The following SPECC1L variants were observed in gnomAD, a reference collection of about 807,000 sequenced individuals.
SPECC1L encodes the protein sperm antigen with calponin homology and coiled-coil domains 1 like.
In SPECC1L, 40 loss-of-function variants were observed where a neutral mutation model predicts 116.8. The observed-to-expected ratio is 0.34, with a 90% CI of 0.27 to 0.45. The LOEUF (loss-of-function observed/expected upper bound fraction) is 0.45. SPECC1L is among the 20% of genes least tolerant of loss of function. SPECC1L has a pLI of 1.00. For synonymous variants in SPECC1L, 504 were observed against 500.6 expected (o/e 1.01, Z -0.09); for missense variants, 1,110 against 1,373.6 (o/e 0.81, Z 3.03).
intron 14 of SPECC1L, among the ~76,000 whole-genome samples, chr22:24,385,057 C>T (rs373105526): frequency 1.1e-4 from 16 of 142,754 alleles, no homozygotes; most frequent in African/African-American, 2.6e-4. Context: ...AGCGAAACTC[C>T]GTCTCAAAAA....
At chr22:24,313,262 T>C (rs1469511402) in intron 3 of SPECC1L, 51 bp from the exon 4 acceptor site, 11 of 1,598,648 alleles carry the variant, frequency 6.9e-6, no homozygotes, top group Admixed American at 3.3e-5. Context: ...TCTCAAAATA[T>C]CTAATCTTGC....
chr22:24,288,539 G>A (rs966007646), intron 2 of SPECC1L, among the ~76,000 whole-genome samples: 1 of 133,244 alleles, frequency 7.5e-6, no homozygotes, highest in Non-Finnish European at 1.6e-5. Flanking sequence ...AAAAGACTTA[G>A]TTTTTACTAC....
At chr22:24,373,864 G>T (rs1053577300) in intron 14 of SPECC1L, among the ~76,000 whole-genome samples, 1 of 151,912 alleles carries the variant, frequency 6.6e-6, no homozygotes, top group Non-Finnish European at 1.5e-5. Flanking sequence ...GAAAATTTTC[G>T]CAATCTACTC....
intron 4 of SPECC1L, 57 bp from the exon 5 acceptor site, chr22:24,321,231 T>C: frequency 6.3e-7 from 1 of 1,595,828 alleles, no homozygotes; most frequent in Non-Finnish European, 8.5e-7. Flanking sequence ...CTGTGTATTC[T>C]ATGTAGCCTT....
chr22:24,362,337 G>A (rs1384547681), intron 11 of SPECC1L, among the ~76,000 whole-genome samples: 1 of 152,186 alleles, frequency 6.6e-6, no homozygotes, highest in South Asian at 2.1e-4. Flanking sequence ...GGGAATAGAG[G>A]AGGAGGTGAG....
intron 11 of SPECC1L, among the ~76,000 whole-genome samples, chr22:24,360,098 C>T (rs1292009005): frequency 6.6e-6 from 1 of 152,170 alleles, no homozygotes; most frequent in Non-Finnish European, 1.5e-5. Flanking sequence ...TGGATTAAGA[C>T]AAGAATAGCT....
At chr22:24,412,768 T>C in intron 16 of SPECC1L, 61 bp downstream of exon 16, 1 of 1,576,978 alleles carries the variant, frequency 6.3e-7, no homozygotes, top group East Asian at 2.2e-5. Flanking sequence ...AAGAGTTCAG[T>C]CCTGTTTAAG....
chr22:24,337,791 A>G (rs572151796), intron 9 of SPECC1L, among the ~76,000 whole-genome samples: 2 of 152,314 alleles, frequency 1.3e-5, no homozygotes, highest in Non-Finnish European at 2.9e-5. Context: ...GCTATGCTCA[A>G]CTGTTTAGAT....
intron 3 of SPECC1L, among the ~76,000 whole-genome samples, chr22:24,311,786 C>CA (rs1332400791): frequency 1.8e-5 from 2 of 108,168 alleles, no homozygotes; most frequent in Admixed American, 1.4e-4. Flanking sequence ...GCCTCGGTGA[C>CA]AGAGTGAGAC....
intron 6 of SPECC1L, among the ~76,000 whole-genome samples, chr22:24,326,035 C>T (rs956109845): frequency 6.6e-6 from 1 of 152,066 alleles, no homozygotes; most frequent in African/African-American, 2.4e-5. Flanking sequence ...CTCACTGCAA[C>T]CTCTGCCCCC....
chr22:24,307,955 G>A (rs1277045725), intron 3 of SPECC1L, among the ~76,000 whole-genome samples: 1 of 151,766 alleles, frequency 6.6e-6, no homozygotes, highest in Non-Finnish European at 1.5e-5. Flanking sequence ...TTACAGAAAA[G>A]CTGAAGGACT....
At chr22:24,272,085 G>C (rs2048738264) in intron 1 of SPECC1L, among the ~76,000 whole-genome samples, 1 of 152,118 alleles carries the variant, frequency 6.6e-6, no homozygotes, top group South Asian at 2.1e-4. Flanking sequence ...TTTTTTCTTC[G>C]TAATTAAAAA....
At position 24,363,230 on chromosome 22, in the gene SPECC1L, T is replaced by G. The variant is rs754872524; in HGVS notation, c.2744-31T>G. The stretch of plus-strand genomic sequence containing the variant: ...TTACTTTAAAGTTCAGCATCAGATT[T>G]CTTTATTGGGATTCTTTCTACTTTG... On this transcript the variant is annotated intron_variant, in intron 11 of 16. Transcript: ENST00000314328. 7.6e-6 allele frequency: 12 copies of G among 1,587,880 alleles called. No homozygotes were observed. In the East Asian group the frequency reaches 2.7e-4, roughly 35 times the overall value.
chr22:24,362,883 G>T (rs1360917339), intron 11 of SPECC1L, among the ~76,000 whole-genome samples: 4 of 152,136 alleles, frequency 2.6e-5, no homozygotes, highest in Non-Finnish European at 4.4e-5. Context: ...AATGTGTGTA[G>T]CTTCCACACT....
At chr22:24,310,100 G>T (rs969382316) in intron 3 of SPECC1L, among the ~76,000 whole-genome samples, 2 of 151,998 alleles carry the variant, frequency 1.3e-5, no homozygotes, top group Admixed American at 1.3e-4. Context: ...TACACAAAAG[G>T]TGGCAAAATA....
chr22:24,345,704 A>G (rs983163229), intron 10 of SPECC1L, among the ~76,000 whole-genome samples: 17 of 152,224 alleles, frequency 1.1e-4, no homozygotes, highest in African/African-American at 3.4e-4. Flanking sequence ...TAAATCCACA[A>G]TGAGATCCTA....
At chr22:24,367,293 T>C (rs549658034) in intron 13 of SPECC1L, among the ~76,000 whole-genome samples, 2 of 152,360 alleles carry the variant, frequency 1.3e-5, no homozygotes, top group Middle Eastern at 6.8e-3. Flanking sequence ...TCTTTCTCTT[T>C]CCCTGTGGTT....
intron 9 of SPECC1L, 60 bp from the exon 10 acceptor site, chr22:24,338,325 GA>G (rs2041104408): frequency 1.3e-6 from 2 of 1,521,712 alleles, no homozygotes; most frequent in Admixed American, 3.3e-5. Context: ...CTTAAGTGGA[GA>G]CCAGTTAAGC....
At chr22:24,344,671 A>T (rs542357635) in intron 10 of SPECC1L, among the ~76,000 whole-genome samples, 1 of 152,162 alleles carries the variant, frequency 6.6e-6, no homozygotes, top group Non-Finnish European at 1.5e-5. Flanking sequence ...TGCAGATAAC[A>T]TGATCATTTA....
Sources: allele counts gnomAD v4.1 joint callset (sites outside exome capture counted in the v4.1 genomes callset), GRCh38; gene constraint gnomAD v4.1.1; transcripts MANE v1.5; gene names NCBI Gene and HGNC (gene_info 2026-07-23, HGNC 2026-07-21).